Variants in PPM1G observed in about 807,000 individuals in gnomAD.
The protein encoded by PPM1G is protein phosphatase 1G.
In PPM1G, 12 loss-of-function variants were observed where a neutral mutation model predicts 59.4. That is an observed-to-expected ratio of 0.20 (90% confidence interval 0.13 to 0.33). The LOEUF is 0.33. Among genes scored for constraint, PPM1G ranks in the 10% least tolerant of loss-of-function variants. PPM1G has a pLI of 1.00. For missense variants in PPM1G, 392 were observed against 681.3 expected (o/e 0.58, Z 4.73); for synonymous variants, 245 against 251.9 (o/e 0.97, Z 0.26).
chr2:27,393,746 A>T (rs1683976220), intron 1 of PPM1G, among the ~76,000 whole-genome samples: 3 of 151,764 alleles, frequency 2.0e-5, no homozygotes, highest in Middle Eastern at 6.8e-3. Flanking sequence ...CACCACACCC[A>T]GCTAATTTTT....
Position 27,405,269 on chromosome 2 carries a change from C to T in PPM1G, c.120+4034G>A, listed in dbSNP as rs561039707. On this transcript the variant is annotated intron_variant, in intron 1 of 9. Coordinates refer to ENST00000344034, the MANE Select transcript of PPM1G (RefSeq NM_177983.3). ...TTGTATTTTAGAAGAGACAGGGTTT[C>T]ACCATATTGGCCAGAATGATCTCGG... 2.6e-5 allele frequency among the ~76,000 whole-genome samples: 4 copies of T among 151,990 alleles called. No homozygotes were observed. In the South Asian group the frequency reaches 8.3e-4, roughly 32 times the overall value.
chr2:27,384,069 G>C lies in PPM1G; in HGVS notation c.849C>G (p.Gly283=), dbSNP rs1309582028. ...CATTCTCTGCCTCCTCACTGCTGTA[G>C]CCATCCTCTTCCTCGCTGCATTCCT... is the stretch of plus-strand genomic sequence containing the variant. ...DSEECSEEED[G]YSSEEAENEE... is the part of the protein sequence containing the mutation. The change falls in exon 6 of 10, where the codon GGC becomes GGG. Residue 283 remains glycine (G), a synonymous_variant. Coordinates refer to ENST00000344034, the MANE Select transcript of PPM1G (RefSeq NM_177983.3). This position sits in a 1 kb window ranked among gnomAD's most constrained non-coding sequence, Gnocchi z 4.8. The C allele has an allele frequency of 2.5e-6, 4 of 1,613,854 alleles. No individual in the cohort carries two copies. Among genetic ancestry groups the C allele is most frequent in the Non-Finnish European group, 3.4e-6 (4 of 1,179,924 alleles).
At chr2:27,381,947 A>G (rs1290610990) in intron 9 of PPM1G, 142 bp from the exon 10 acceptor site, 4 of 1,000,756 alleles carry the variant, frequency 4.0e-6, no homozygotes, top group Non-Finnish European at 6.0e-6. Flanking sequence ...CCCACCTGCT[A>G]GTCCATAAGG....
At chr2:27,388,222 A>G (rs1683816204) in intron 1 of PPM1G, among the ~76,000 whole-genome samples, 1 of 151,662 alleles carries the variant, frequency 6.6e-6, no homozygotes, top group Non-Finnish European at 1.5e-5. Context: ...CATCCTGGCC[A>G]ACATGGTGAA....
rs1683668119 is a variant in PPM1G, at chr2:27,382,826, T to G, written c.1202-221A>C. On this transcript the variant is annotated intron_variant, in intron 7 of 9. Transcript: ENST00000344034. This position sits in a 1 kb window ranked among gnomAD's most constrained non-coding sequence, Gnocchi z 4.2. ...ACTGGTCTTTTTATTTTAAGTCTTT[T>G]TTGTTTTTTTTTTTTTGAGACGGAG... Among the ~76,000 whole-genome samples the G allele has an allele frequency of 8.7e-6, 1 of 114,488 alleles. No homozygotes were observed. The highest frequency in any genetic ancestry group is 8.7e-5 in the Admixed American group (1 of 11,500). The allele number at this position is 114,488 out of a possible 152,430, so 75.1% of individuals were successfully genotyped here.
chr2:27,381,645 T>C lies in PPM1G; in HGVS notation c.1595A>G (p.Glu532Gly), dbSNP rs201337102. 5.0e-6 allele frequency: 8 copies of C among 1,613,996 alleles called. No homozygotes were observed. The highest frequency in any genetic ancestry group is 1.7e-6 in the Non-Finnish European group (2 of 1,180,040). The change falls in exon 10 of 10, where the codon GAA becomes GGA. Residue 532 changes from glutamate to glycine, a missense_variant. Glu to Gly is a moderately conservative substitution (Grantham distance 98). Coordinates refer to ENST00000344034, the MANE Select transcript of PPM1G (RefSeq NM_177983.3). ...LEEVLSTEGAEENGNSDKKKK... is the reference protein window; with the variant it reads ...LEEVLSTEGAGENGNSDKKKK... ...CTTCTTGTCGCTGTTGCCATTTTCT[T>C]CAGCCCCCTCAGTAGAGAGCACCTC...
At chr2:27,387,485 C>T (rs1683796776) in intron 1 of PPM1G, among the ~76,000 whole-genome samples, 1 of 152,098 alleles carries the variant, frequency 6.6e-6, no homozygotes, top group African/African-American at 2.4e-5. Flanking sequence ...TACGGGAAAA[C>T]CAGAATAAAG....
intron 1 of PPM1G, among the ~76,000 whole-genome samples, chr2:27,405,271 C>T (rs1474030704): frequency 6.6e-6 from 1 of 151,888 alleles, no homozygotes; most frequent in African/African-American, 2.4e-5. Context: ...CAGGGTTTCA[C>T]CATATTGGCC....
At chr2:27,405,299 T>G (rs908037013) in intron 1 of PPM1G, among the ~76,000 whole-genome samples, 3 of 151,992 alleles carry the variant, frequency 2.0e-5, no homozygotes, top group Admixed American at 2.0e-4. Context: ...TCTCGGTCTC[T>G]TGATCTCGTG....
chr2:27,398,373 G>T (rs1300204836), intron 1 of PPM1G, among the ~76,000 whole-genome samples: 3 of 152,162 alleles, frequency 2.0e-5, no homozygotes, highest in Non-Finnish European at 4.4e-5. Flanking sequence ...ATGGATCACA[G>T]AAACAGCTAA....
chr2:27,392,222 G>C (rs753063394), intron 1 of PPM1G, among the ~76,000 whole-genome samples: 1 of 150,840 alleles, frequency 6.6e-6, no homozygotes, highest in Non-Finnish European at 1.5e-5. Flanking sequence ...CCATCACTGA[G>C]TCCTGCATGC....
chr2:27,387,020 C>T, intron 2 of PPM1G, 69 bp downstream of exon 2: 1 of 1,217,114 alleles, frequency 8.2e-7, no homozygotes, highest in East Asian at 2.3e-5. Flanking sequence ...AACAAAGGGA[C>T]CTGTTCTTGC....
In PPM1G at chr2:27,409,470, C is replaced by A; in HGVS notation, c.-48G>T. On this transcript the variant is annotated 5_prime_UTR_variant, in exon 1 of 10. Transcript: ENST00000344034. The stretch of plus-strand genomic sequence containing the variant: ...CAGGTGCAGGAAAGCTGGGCGCGAC[C>A]CGTGCCGGAGCCGAAGCCCCGGGGG... 2 of 1,441,330 alleles carry A rather than the reference C, an allele frequency of 1.4e-6. No individual in the cohort carries two copies. Among genetic ancestry groups the A allele is most frequent in the South Asian group, 1.4e-5 (1 of 70,406 alleles). 89.3% of individuals were successfully genotyped at this position (1,441,330 alleles called of 1,614,324 possible).
chr2:27,385,026 T>G lies in PPM1G; in HGVS notation c.472A>C (p.Thr158Pro), dbSNP rs1450266214. ...TTGTGACAGTTCTGCCCGTAGCGTG[T>G]CAGCAGCTCTTCAATAGTCATGGTA... Reference protein sequence around the residue: ...EATMTIEELLTRYGQNCHKGP... With the variant: ...EATMTIEELLPRYGQNCHKGP... Residue 158 changes from threonine to proline, a missense_variant, in exon 5 of 10, where the codon ACA (threonine) becomes CCA (proline). By Grantham distance (38) the Thr-to-Pro change is conservative. This residue lies in a region of PPM1G where 188 missense variants were observed against 248.8 expected (regional missense o/e 0.76). Transcript: ENST00000344034. The surrounding 1 kb of genome is among the most constrained non-coding windows in gnomAD (Gnocchi z 4.1). 6.2e-7 allele frequency: 1 copy of G among 1,613,830 alleles called. No individual in the cohort carries two copies. Among genetic ancestry groups the G allele is most frequent in the African/African-American group, 1.3e-5 (1 of 74,918 alleles).
At chr2:27,397,239 T>C (rs1684072541) in intron 1 of PPM1G, among the ~76,000 whole-genome samples, 2 of 152,196 alleles carry the variant, frequency 1.3e-5, no homozygotes, top group African/African-American at 4.8e-5. Flanking sequence ...TCAGATGCCT[T>C]TATTTGTGAA....
chr2:27,384,593 A>G lies in PPM1G; in HGVS notation c.825+80T>C. The G allele has an allele frequency of 6.8e-7, 1 of 1,472,214 alleles. No homozygotes were observed. The highest frequency in any genetic ancestry group is 9.1e-7 in the Non-Finnish European group (1 of 1,095,442). The allele number at this position is 1,472,214 out of a possible 1,614,324, so 91.2% of individuals were successfully genotyped here. A position where few individuals can be genotyped will look rare whatever the true frequency, so the allele number is the denominator to read the frequency against. ...GATGATGTCAAAATAGGAGAAGGAAAGAGAGTTGAAAACTACAGACGGCAA... is the reference window on the plus strand; with the variant it reads ...GATGATGTCAAAATAGGAGAAGGAAGGAGAGTTGAAAACTACAGACGGCAA... On this transcript the variant is annotated intron_variant, in intron 5 of 9. Coordinates refer to ENST00000344034, the MANE Select transcript of PPM1G (RefSeq NM_177983.3). This position sits in a 1 kb window ranked among gnomAD's most constrained non-coding sequence, Gnocchi z 4.8.
rs566315557 is a variant in PPM1G at position 27,400,111 on chromosome 2, G to C, written c.120+9192C>G. Reference sequence around the variant, plus strand: ...CATTGATGACCCTTAAAAATATTACGCTTGGCCGGGCGTGGTGGTTCATGC... The same window carrying C: ...CATTGATGACCCTTAAAAATATTACCCTTGGCCGGGCGTGGTGGTTCATGC... On this transcript the variant is annotated intron_variant, in intron 1 of 9. Coordinates refer to ENST00000344034, the MANE Select transcript of PPM1G (RefSeq NM_177983.3). Among the ~76,000 whole-genome samples the C allele has an allele frequency of 2.6e-5, 4 of 152,032 alleles. No homozygotes were observed. The East Asian group carries it at 7.8e-4, about 29-fold the overall frequency.
rs147202352 is a variant in PPM1G, at chr2:27,394,824, T to C, written c.121-7666A>G. Among the ~76,000 whole-genome samples, 471 of 146,760 alleles carry C rather than the reference T, an allele frequency of 3.2e-3. 2 individuals carry two copies. The highest frequency in any genetic ancestry group is 0.011 in the African/African-American group (448 of 39,462). ...CAGGAGTTTGACACAATTTAGGAGG[T>C]TTTTCCTGCACACAATGGCCACCCA... is the stretch of plus-strand genomic sequence containing the variant. On this transcript the variant is annotated intron_variant, in intron 1 of 9. Coordinates refer to ENST00000344034, the MANE Select transcript of PPM1G (RefSeq NM_177983.3).
Position 27,381,628 on chromosome 2 carries a change from C to A in PPM1G, c.1612G>T (p.Asp538Tyr). 1 of 1,614,086 alleles carries A rather than the reference C, an allele frequency of 6.2e-7. No individual in the cohort carries two copies. The highest frequency in any genetic ancestry group is 8.5e-7 in the Non-Finnish European group (1 of 1,180,032). Residue 538 changes from aspartate to tyrosine, a missense_variant, in exon 10 of 10, where the codon GAC becomes TAC. Around this residue, in one of 6 missense-constraint regions of PPM1G, gnomAD observed 49 missense variants for 43.4 expected, o/e 1.13. Coordinates refer to ENST00000344034, the MANE Select transcript of PPM1G (RefSeq NM_177983.3). Reference sequence around the variant, plus strand: ...TCTCGCTTGGCCTTCTTCTTCTTGTCGCTGTTGCCATTTTCTTCAGCCCCC... The same window carrying A: ...TCTCGCTTGGCCTTCTTCTTCTTGTAGCTGTTGCCATTTTCTTCAGCCCCC... ...TEGAEENGNS[D>Y]KKKKAKRD
Sources: allele counts gnomAD v4.1 joint callset (sites outside exome capture counted in the v4.1 genomes callset), GRCh38; gene constraint gnomAD v4.1.1; regional missense constraint gnomAD v4.1.1; non-coding constraint Gnocchi (gnomAD v3.1); transcripts MANE v1.5; gene names NCBI Gene and HGNC (gene_info 2026-07-23, HGNC 2026-07-21).